The following PLEKHA7 variants were observed in gnomAD, a reference collection of about 807,000 sequenced individuals.
PLEKHA7 encodes pleckstrin homology domain containing A7, also known as pleckstrin homology domain-containing family A member 7.
A neutral mutation model predicts 170.0 loss-of-function variants in PLEKHA7; 104 were observed. The ratio of observed to expected loss-of-function variants is 0.61; its 90% CI spans 0.52 to 0.72. The LOEUF is 0.72. Ranked by LOEUF, PLEKHA7 falls within the 30% of genes least tolerant of loss-of-function variation. PLEKHA7 has a pLI of 0.00. For missense variants in PLEKHA7, 1,615 were observed against 1,671.7 expected, an observed-to-expected ratio of 0.97 and a Z score of 0.59; for synonymous variants, 648 against 660.8, an observed-to-expected ratio of 0.98 and a Z score of 0.30.
At position 16,783,747 on chromosome 11, in the gene PLEKHA7, C is replaced by T. The variant is rs1196826004; in HGVS notation, c.3603G>A (p.Ala1201=). 1.3e-6 allele frequency: 2 copies of T among 1,507,586 alleles called. No individual in the cohort carries two copies. The highest frequency in any genetic ancestry group is 2.1e-5 in the Admixed American group (1 of 46,974). The allele number at this position is 1,507,586 out of a possible 1,614,324, so 93.4% of individuals were successfully genotyped here. The change falls in exon 25 of 27, where the codon GCG becomes GCA. Residue 1201 remains alanine (A), a synonymous_variant. Transcript: ENST00000531066. ...GGATCTTCTCGGCTTTGCGGTACCG[C>T]GCCTGCAGCTCCTCAAGGCTGGGTG... ...EEPPSLEELQ[A]RYRKAEKIRN...
At chr11:16,891,517 A>C (rs2135940019) in intron 3 of PLEKHA7, among the ~76,000 whole-genome samples, 1 of 152,336 alleles carries the variant, frequency 6.6e-6, no homozygotes, top group South Asian at 2.1e-4. Flanking sequence ...CTGTTGTGGT[A>C]ATTTGTTATA....
At position 16,909,128 on chromosome 11, in the gene PLEKHA7, C is replaced by T. The variant is rs144462454; in HGVS notation, c.222-37946G>A. ...TAAATGATACATGCATTGTGCTGAA[C>T]ACTTCACATGCACTGACGTACAGTA... is the stretch of plus-strand genomic sequence containing the variant. On this transcript the variant is annotated intron_variant, in intron 3 of 26. Transcript: ENST00000531066. Among the ~76,000 whole-genome samples, 7 of 152,278 alleles carry T rather than the reference C, an allele frequency of 4.6e-5. No homozygotes were observed. The East Asian group carries it at 1.4e-3, about 29-fold the overall frequency.
At chr11:16,811,445 A>C (rs1055562198) in intron 13 of PLEKHA7, among the ~76,000 whole-genome samples, 4 of 152,178 alleles carry the variant, frequency 2.6e-5, no homozygotes, top group African/African-American at 9.7e-5. Context: ...ACTGGCTGTC[A>C]GGGAGGCTGA....
At chr11:16,902,085 A>C (rs1347305513) in intron 3 of PLEKHA7, among the ~76,000 whole-genome samples, 1 of 152,172 alleles carries the variant, frequency 6.6e-6, no homozygotes, top group African/African-American at 2.4e-5. Context: ...ATAGGCTTAG[A>C]CACTAGGTCA....
rs572187384 is a variant in PLEKHA7 at position 16,946,675 on chromosome 11, T to C, written c.221+67314A>G. ...CAGGATATCTGAAGGCTCTAGGTTT[T>C]GAAGTGAAATTTCTGTAGAAAACAG... On this transcript the variant is annotated intron_variant, in intron 3 of 26. Transcript: ENST00000531066. Among the ~76,000 whole-genome samples, 5 of 152,220 alleles carry C rather than the reference T, an allele frequency of 3.3e-5. No homozygotes were observed. The South Asian group carries it at 1.0e-3, about 32-fold the overall frequency.
chr11:16,884,985 T>C (rs1855973327), intron 3 of PLEKHA7, among the ~76,000 whole-genome samples: 1 of 152,216 alleles, frequency 6.6e-6, no homozygotes, highest in Non-Finnish European at 1.5e-5. Flanking sequence ...ACTCCTACTT[T>C]GTACCAACAT....
intron 3 of PLEKHA7, among the ~76,000 whole-genome samples, chr11:16,924,956 C>T (rs1389251404): frequency 6.6e-6 from 1 of 152,210 alleles, no homozygotes; most frequent in Non-Finnish European, 1.5e-5. Context: ...TGCATTCCTC[C>T]GGGAAGGTGT....
At chr11:16,925,326 G>T (rs1208270469) in intron 3 of PLEKHA7, among the ~76,000 whole-genome samples, 1 of 152,164 alleles carries the variant, frequency 6.6e-6, no homozygotes, top group Non-Finnish European at 1.5e-5. Context: ...ACCCAAAGCC[G>T]GGCGCCGGCT....
At chr11:16,962,493 T>C (rs1383805343) in intron 3 of PLEKHA7, among the ~76,000 whole-genome samples, 2 of 152,184 alleles carry the variant, frequency 1.3e-5, no homozygotes, top group Non-Finnish European at 2.9e-5. Flanking sequence ...TACAGTCTCA[T>C]ACCATTGCCC....
chr11:16,848,992 A>C (rs975744460), intron 8 of PLEKHA7, among the ~76,000 whole-genome samples: 1 of 152,146 alleles, frequency 6.6e-6, no homozygotes, highest in Non-Finnish European at 1.5e-5. Context: ...GGATGCTGCA[A>C]CTCAAATGAA....
chr11:16,982,110 C>G (rs888942581), intron 3 of PLEKHA7, among the ~76,000 whole-genome samples: 2 of 152,200 alleles, frequency 1.3e-5, no homozygotes, highest in Non-Finnish European at 2.9e-5. Flanking sequence ...GAACAAGTCT[C>G]CCCCAGGAAG....
intron 23 of PLEKHA7, 99 bp from the exon 24 acceptor site, chr11:16,786,486 G>C: frequency 6.6e-7 from 1 of 1,509,134 alleles, no homozygotes; most frequent in Middle Eastern, 1.7e-4. Context: ...AGATGAACCT[G>C]TGATCCCCTT....
At chr11:17,001,581 G>A (rs1864664914) in intron 3 of PLEKHA7, among the ~76,000 whole-genome samples, 1 of 152,132 alleles carries the variant, frequency 6.6e-6, no homozygotes, top group Non-Finnish European at 1.5e-5. Flanking sequence ...GGGCTGGAAT[G>A]GGATCTCTGG....
rs554585480 is a variant in PLEKHA7 at position 16,878,074 on chromosome 11, T to C, written c.222-6892A>G. On this transcript the variant is annotated intron_variant, in intron 3 of 26. Coordinates refer to ENST00000531066, the MANE Select transcript of PLEKHA7 (RefSeq NM_001329630.2). The stretch of plus-strand genomic sequence containing the variant: ...ACTCCTCCAGGCTTCCCTATTTCCA[T>C]TAACATCACTATGACCTTGGAATCA... 2.1e-3 allele frequency among the ~76,000 whole-genome samples: 315 copies of C among 152,344 alleles called. 1 individual carries two copies. The highest frequency in any genetic ancestry group is 7.2e-3 in the African/African-American group (300 of 41,590).
intron 3 of PLEKHA7, among the ~76,000 whole-genome samples, chr11:16,995,261 C>T (rs1302505132): frequency 2.0e-5 from 3 of 152,216 alleles, no homozygotes; most frequent in Admixed American, 6.5e-5. Flanking sequence ...AGCACTGGGC[C>T]ACTCTGGCTT....
chr11:16,790,825 T>C lies in PLEKHA7; in HGVS notation c.3025A>G (p.Ser1009Gly). The change falls in exon 21 of 27, where the codon AGC (serine) becomes GGC (glycine). Residue 1009 changes from serine to glycine, a missense_variant. Coordinates refer to ENST00000531066, the MANE Select transcript of PLEKHA7 (RefSeq NM_001329630.2). Reference sequence around the variant, plus strand: ...CTGCCTGGCAGCGTCTGGTACCTGCTCTCAGGGCCCACAAGTCCTAGGGAG... The same window carrying C: ...CTGCCTGGCAGCGTCTGGTACCTGCCCTCAGGGCCCACAAGTCCTAGGGAG... ...QPSLGLVGPESRYQTLPGRGL... is the reference protein window; with the variant it reads ...QPSLGLVGPEGRYQTLPGRGL... The C allele has an allele frequency of 6.2e-7, 1 of 1,609,212 alleles. No homozygotes were observed. The highest frequency in any genetic ancestry group is 8.5e-7 in the Non-Finnish European group (1 of 1,178,028).
At chr11:16,803,390 C>T (rs1367866635) in intron 13 of PLEKHA7, 95 bp from the exon 14 acceptor site, 1 of 1,310,208 alleles carries the variant, frequency 7.6e-7, no homozygotes, top group East Asian at 2.4e-5. Flanking sequence ...GTGTGGAAGT[C>T]CTTGGCAGTG....
intron 4 of PLEKHA7, among the ~76,000 whole-genome samples, chr11:16,860,295 T>C (rs1249646662): frequency 6.6e-6 from 1 of 152,194 alleles, no homozygotes; most frequent in Non-Finnish European, 1.5e-5. Flanking sequence ...ACAGATGTAG[T>C]AAGAAAGAGA....
At chr11:16,962,550 T>C (rs556310426) in intron 3 of PLEKHA7, among the ~76,000 whole-genome samples, 1 of 152,260 alleles carries the variant, frequency 6.6e-6, no homozygotes, top group South Asian at 2.1e-4. Context: ...AACCTGTATC[T>C]CCTGGGTTCA....
Sources: allele counts gnomAD v4.1 joint callset (sites outside exome capture counted in the v4.1 genomes callset), GRCh38; gene constraint gnomAD v4.1.1; transcripts MANE v1.5; gene names NCBI Gene and HGNC (gene_info 2026-07-23, HGNC 2026-07-21).